Variants in UNC79 observed in about 807,000 individuals in gnomAD.
UNC79 encodes the protein unc-79 subunit of NALCN channel complex.
A neutral mutation model predicts 283.1 loss-of-function variants in UNC79; 37 were observed. The ratio of observed to expected loss-of-function variants is 0.13; its 90% CI spans 0.10 to 0.17. The LOEUF (loss-of-function observed/expected upper bound fraction) is 0.17. Among genes scored for constraint, UNC79 ranks in the 10% least tolerant of loss-of-function variants. The pLI is 1.00. For missense variants in UNC79, 2,272 were observed against 3,211.1 expected, an observed-to-expected ratio of 0.71 and a Z score of 7.07; for synonymous variants, 1,107 against 1,200.2, an observed-to-expected ratio of 0.92 and a Z score of 1.61.
At chr14:93,594,405 G>A (rs185991065) in intron 23 of UNC79, among the ~76,000 whole-genome samples, 1 of 152,130 alleles carries the variant, frequency 6.6e-6, no homozygotes, top group Non-Finnish European at 1.5e-5. Flanking sequence ...AAGTAGCTGG[G>A]GCTACAGGTG....
At chr14:93,576,668 G>A (rs909909527) in intron 17 of UNC79, among the ~76,000 whole-genome samples, 8 of 152,188 alleles carry the variant, frequency 5.3e-5, no homozygotes, top group Non-Finnish European at 1.2e-4. Flanking sequence ...AGGGCTGAAG[G>A]AACAAGGGAA....
chr14:93,637,569 C>G (rs556950776), intron 32 of UNC79, among the ~76,000 whole-genome samples: 1 of 152,250 alleles, frequency 6.6e-6, no homozygotes, highest in Admixed American at 6.5e-5. Context: ...ATTCTCCTGC[C>G]CCAGCCTCCC....
chr14:93,706,781 G>C, exon 49 of UNC79: 2 of 1,614,240 alleles, frequency 1.2e-6, no homozygotes, highest in Non-Finnish European at 1.7e-6. Context: ...GGACGCTGCC[G>C]GGCTCGGGCC....
At position 93,340,257 on chromosome 14, in the gene UNC79, G is replaced by A. The variant is rs771353404; in HGVS notation, c.-351+6734G>A. Among the ~76,000 whole-genome samples the A allele has an allele frequency of 1.1e-4, 17 of 152,148 alleles. 1 individual carries two copies. The South Asian group carries it at 1.5e-3, about 13-fold the overall frequency. On this transcript the variant is annotated intron_variant, in intron 1 of 49. Transcript: ENST00000256339. ...GGAGATCGAGACCATCCTGGCTAAC[G>A]CGGTGAAATGCCATCTCTACTAAAA... is the stretch of plus-strand genomic sequence containing the variant.
intron 23 of UNC79, among the ~76,000 whole-genome samples, chr14:93,595,300 G>A (rs1015318170): frequency 6.6e-6 from 1 of 152,020 alleles, no homozygotes; most frequent in Non-Finnish European, 1.5e-5. Flanking sequence ...ATGTTGGCCA[G>A]GCTGGTCTTG....
At position 93,544,397 on chromosome 14, in the gene UNC79, T is replaced by C. The variant is rs560352148; in HGVS notation, c.1755+1701T>C. ...TGGGAGCTGGGCAGGAACTGGGCTATCTCCACAGCAGCTGAATCCACAGGA... is the reference window on the plus strand; with the variant it reads ...TGGGAGCTGGGCAGGAACTGGGCTACCTCCACAGCAGCTGAATCCACAGGA... On this transcript the variant is annotated intron_variant, in intron 14 of 48. Transcript: ENST00000555664. 4.1e-3 allele frequency among the ~76,000 whole-genome samples: 623 copies of C among 152,296 alleles called. 2 individuals carry two copies. Among genetic ancestry groups the C allele is most frequent in the African/African-American group, 0.014 (586 of 41,568 alleles).
intron 1 of UNC79, among the ~76,000 whole-genome samples, chr14:93,380,398 C>G (rs934221297): frequency 1.3e-5 from 2 of 152,156 alleles, no homozygotes; most frequent in Non-Finnish European, 1.5e-5. Context: ...AGCCTTTGCT[C>G]GGGGAGACTT....
chr14:93,533,685 A>G (rs1166662018), intron 11 of UNC79, among the ~76,000 whole-genome samples: 6 of 152,200 alleles, frequency 3.9e-5, no homozygotes, highest in African/African-American at 1.4e-4. Context: ...GAAGTCACAC[A>G]GCATCATTTC....
intron 14 of UNC79, among the ~76,000 whole-genome samples, chr14:93,569,831 G>C (rs1356776334): frequency 1.3e-5 from 2 of 152,224 alleles, no homozygotes; most frequent in Non-Finnish European, 2.9e-5. Flanking sequence ...TTTTGGAGGG[G>C]AGGTTTTGGG....
At chr14:93,456,962 G>A (rs1330296351) in intron 1 of UNC79, among the ~76,000 whole-genome samples, 1 of 152,172 alleles carries the variant, frequency 6.6e-6, no homozygotes, top group Admixed American at 6.5e-5. Flanking sequence ...CCCCAAAATG[G>A]ATGGTGGTGG....
chr14:93,355,305 T>C (rs989905791), intron 1 of UNC79, among the ~76,000 whole-genome samples: 6 of 152,186 alleles, frequency 3.9e-5, no homozygotes, highest in African/African-American at 1.4e-4. Flanking sequence ...TCAAGCAGAC[T>C]CTCCTGCCTC....
chr14:93,449,473 A>G (rs527425189), intron 1 of UNC79, among the ~76,000 whole-genome samples: 1 of 152,188 alleles, frequency 6.6e-6, no homozygotes, highest in East Asian at 1.9e-4. Flanking sequence ...AATACAGGGC[A>G]CAGGTGTGAT....
chr14:93,506,286 G>A lies in UNC79; in HGVS notation c.898+9000G>A, dbSNP rs565267205. On this transcript the variant is annotated intron_variant, in intron 7 of 48. Coordinates refer to ENST00000555664, the Ensembl canonical transcript of UNC79. Reference sequence around the variant, plus strand: ...CACCCAGGCTGGAGTGCAATGGCACGATCTCAGCTACCTGCAACTTCTGCC... The same window carrying A: ...CACCCAGGCTGGAGTGCAATGGCACAATCTCAGCTACCTGCAACTTCTGCC... Among the ~76,000 whole-genome samples, 155 of 151,056 alleles carry A rather than the reference G, an allele frequency of 1.0e-3. 2 individuals carry two copies. The highest frequency in any genetic ancestry group is 1.1e-3 in the Non-Finnish European group (77 of 67,840).
intron 14 of UNC79, among the ~76,000 whole-genome samples, chr14:93,550,175 A>G (rs2061799386): frequency 6.6e-6 from 1 of 152,226 alleles, no homozygotes; most frequent in Non-Finnish European, 1.5e-5. Context: ...ATAAATTGCA[A>G]CAATTTAGTT....
chr14:93,634,708 C>G lies in UNC79; in HGVS notation c.5717-2508C>G, dbSNP rs887115254. ...TGCTACTTTCTCTGTGTCCACTCTG[C>G]TCCCTTGTTAAAGAATAGATTTTCT... On this transcript the variant is annotated intron_variant, in intron 31 of 48. Coordinates refer to ENST00000555664, the Ensembl canonical transcript of UNC79. 3.0e-6 allele frequency: 4 copies of G among 1,339,188 alleles called. No individual in the cohort carries two copies. In the African/African-American group the frequency reaches 5.8e-5, roughly 19 times the overall value. 83.0% of individuals were successfully genotyped at this position (1,339,188 alleles called of 1,614,324 possible).
intron 29 of UNC79, 73 bp downstream of exon 30, chr14:93,618,427 A>G (rs568092872): frequency 7.9e-6 from 11 of 1,386,606 alleles, no homozygotes; most frequent in Non-Finnish European, 9.4e-6. Context: ...TTCTTAGGAG[A>G]TAGAAGAGTG....
intron 1 of UNC79, among the ~76,000 whole-genome samples, chr14:93,460,056 C>A (rs1222411018): frequency 8.4e-6 from 1 of 119,406 alleles, no homozygotes; most frequent in Non-Finnish European, 1.7e-5. Context: ...AGGCCGGGCG[C>A]GGTGGCTCAC....
chr14:93,706,761 C>G, exon 49 of UNC79: 2 of 1,614,252 alleles, frequency 1.2e-6, no homozygotes, highest in East Asian at 2.2e-5. Context: ...CGTGAACCAC[C>G]ACAGCCTAAG....
intron 1 of UNC79, among the ~76,000 whole-genome samples, chr14:93,379,873 A>T (rs888555113): frequency 1.3e-5 from 2 of 150,770 alleles, no homozygotes; most frequent in East Asian, 3.8e-4. Flanking sequence ...TAAAAATAAT[A>T]AAAAAATTTG....
Sources: allele counts gnomAD v4.1 joint callset (sites outside exome capture counted in the v4.1 genomes callset), GRCh38; gene constraint gnomAD v4.1.1; transcripts MANE v1.5; gene names NCBI Gene and HGNC (gene_info 2026-07-23, HGNC 2026-07-21).